FOXN2: variants seen among roughly 807,000 people sequenced by gnomAD.
FOXN2 encodes the protein forkhead box N2.
FOXN2 carries 19 observed loss-of-function variants against 41.2 expected under a neutral mutation model. The ratio of observed to expected loss-of-function variants is 0.46; its 90% CI spans 0.32 to 0.68. FOXN2 has a LOEUF of 0.68. Among genes scored for constraint, FOXN2 ranks in the 30% least tolerant of loss-of-function variants. The pLI is 0.03. For missense variants in FOXN2, 587 were observed against 509.4 expected (o/e 1.15, Z -1.47); for synonymous variants, 195 against 176.8 (o/e 1.10, Z -0.82).
intron 2 of FOXN2, among the ~76,000 whole-genome samples, chr2:48,341,921 G>C (rs998214812): frequency 2.6e-5 from 4 of 152,152 alleles, no homozygotes; most frequent in Admixed American, 6.5e-5. Flanking sequence ...AACAGAACAA[G>C]CTGTACTAAG....
At chr2:48,370,777 T>C (rs887521658) in intron 5 of FOXN2, among the ~76,000 whole-genome samples, 2 of 152,172 alleles carry the variant, frequency 1.3e-5, no homozygotes, top group South Asian at 4.1e-4. Flanking sequence ...GTTGTTTCTT[T>C]CCTGTGCAGA....
intron 3 of FOXN2, among the ~76,000 whole-genome samples, chr2:48,352,235 C>T (rs1196458213): frequency 6.6e-6 from 1 of 152,180 alleles, no homozygotes; most frequent in Admixed American, 6.5e-5. Context: ...ACCATGCAAA[C>T]AGAGATAGTT....
intron 5 of FOXN2, among the ~76,000 whole-genome samples, chr2:48,371,924 T>G (rs1216481030): frequency 6.6e-6 from 1 of 152,164 alleles, no homozygotes; most frequent in African/African-American, 2.4e-5. Context: ...TTCTAAGAGT[T>G]TTTTGGTAGA....
intron 4 of FOXN2, among the ~76,000 whole-genome samples, chr2:48,361,934 A>G (rs929695551): frequency 6.6e-6 from 1 of 152,206 alleles, no homozygotes; most frequent in African/African-American, 2.4e-5. Flanking sequence ...TAATACCTAT[A>G]TTAGTATTAT....
chr2:48,346,176 T>C (rs543048070), intron 2 of FOXN2, 25 bp from the exon 3 acceptor site: 4 of 1,531,418 alleles, frequency 2.6e-6, no homozygotes, highest in African/African-American at 1.4e-5. Flanking sequence ...AAGTATTACA[T>C]TGATAATTGT....
At chr2:48,333,321 C>T (rs1670132078) in intron 2 of FOXN2, among the ~76,000 whole-genome samples, 1 of 151,988 alleles carries the variant, frequency 6.6e-6, no homozygotes, top group Admixed American at 6.6e-5. Context: ...TAATCATAGT[C>T]CAATATAGCT....
chr2:48,365,397 G>C (rs557881363), intron 5 of FOXN2, among the ~76,000 whole-genome samples: 1 of 152,082 alleles, frequency 6.6e-6, no homozygotes, highest in Non-Finnish European at 1.5e-5. Context: ...CTTTATCTTT[G>C]TATTGCCTCA....
At position 48,346,287 on chromosome 2, in the gene FOXN2, A is replaced by G; in HGVS notation, c.73A>G (p.Ser25Gly). ...AGGAGCTGAAAAGATTGCAGGATTA[A>G]GCCAGATTTACAAAATGGGAAGCTT... The part of the protein sequence containing the change: ...TPGAEKIAGL[S>G]QIYKMGSLPE... The change falls in exon 3 of 7, where the codon AGC becomes GGC. Residue 25 changes from serine (S) to glycine (G), a missense_variant. By Grantham distance (56) the Ser-to-Gly change is moderately conservative. Transcript: ENST00000340553. 1 of 1,614,230 alleles carries G rather than the reference A, an allele frequency of 6.2e-7. No homozygotes were observed. The highest frequency in any genetic ancestry group is 1.1e-5 in the South Asian group (1 of 91,086).
At position 48,376,900 on chromosome 2, in the gene FOXN2, A is replaced by T. The variant is rs1673289944; in HGVS notation, c.*1457A>T. Reference sequence around the variant, plus strand: ...TACATATGTACACATACATATACACATATGCACAGTCAAGGTCATGATGTT... The same window carrying T: ...TACATATGTACACATACATATACACTTATGCACAGTCAAGGTCATGATGTT... On this transcript the variant is annotated 3_prime_UTR_variant, in exon 7 of 7. Transcript: ENST00000340553. 1 of 152,518 alleles carries T rather than the reference A, an allele frequency of 6.6e-6. No individual in the cohort carries two copies. The highest frequency in any genetic ancestry group is 1.5e-5 in the Non-Finnish European group (1 of 67,936). 9.4% of individuals were successfully genotyped at this position (152,518 alleles called of 1,614,324 possible).
intron 2 of FOXN2, among the ~76,000 whole-genome samples, chr2:48,338,865 A>G (rs1021456714): frequency 4.6e-5 from 7 of 152,296 alleles, no homozygotes; most frequent in African/African-American, 7.2e-5. Flanking sequence ...AATAAATTCT[A>G]CCATATGAAA....
chr2:48,361,920 G>A (rs1433391360), intron 4 of FOXN2, among the ~76,000 whole-genome samples: 1 of 152,028 alleles, frequency 6.6e-6, no homozygotes. Context: ...TTTTATTTTT[G>A]TGGTAATACC....
intron 3 of FOXN2, among the ~76,000 whole-genome samples, chr2:48,350,627 T>C (rs1429885373): frequency 2.0e-5 from 3 of 151,832 alleles, no homozygotes; most frequent in Non-Finnish European, 4.4e-5. Context: ...GTCTAGAACA[T>C]GGATGATCTT....
intron 3 of FOXN2, among the ~76,000 whole-genome samples, chr2:48,358,783 T>C (rs550136285): frequency 6.6e-6 from 1 of 152,184 alleles, no homozygotes; most frequent in Non-Finnish European, 1.5e-5. Flanking sequence ...AGAAAGAGTT[T>C]TTGAAGTAGA....
chr2:48,371,123 C>T (rs750211576), intron 5 of FOXN2, among the ~76,000 whole-genome samples: 27 of 152,108 alleles, frequency 1.8e-4, no homozygotes, highest in African/African-American at 3.6e-4. Flanking sequence ...GGGGGTGGGG[C>T]GCGGTGGCTC....
upstream of FOXN2, among the ~76,000 whole-genome samples, chr2:48,313,719 T>A (rs1478105077): frequency 6.6e-6 from 1 of 152,234 alleles, no homozygotes; most frequent in Non-Finnish European, 1.5e-5. Context: ...TAAGTCTCAG[T>A]TTCCATATCT....
At chr2:48,318,971 A>G (rs535541916) in intron 1 of FOXN2, among the ~76,000 whole-genome samples, 1 of 152,218 alleles carries the variant, frequency 6.6e-6, no homozygotes, top group African/African-American at 2.4e-5. Context: ...TTTGCTCCCA[A>G]CACAGATAAT....
chr2:48,343,085 G>A (rs1341089984), intron 2 of FOXN2, among the ~76,000 whole-genome samples: 2 of 152,172 alleles, frequency 1.3e-5, no homozygotes, highest in Non-Finnish European at 2.9e-5. Context: ...GTTTTAAGTA[G>A]TATTGATAAA....
intron 2 of FOXN2, among the ~76,000 whole-genome samples, chr2:48,336,331 C>A (rs1395096100): frequency 6.6e-6 from 1 of 150,760 alleles, no homozygotes; most frequent in Non-Finnish European, 1.5e-5. Context: ...TCGCTTGAAC[C>A]TGGGAGGGGG....
intron 5 of FOXN2, among the ~76,000 whole-genome samples, chr2:48,367,400 T>C (rs1022515526): frequency 2.0e-5 from 3 of 152,126 alleles, no homozygotes; most frequent in Non-Finnish European, 4.4e-5. Flanking sequence ...AGATATAAAA[T>C]TAAGGTAGTT....
Sources: gnomAD v4.1 joint callset for allele counts (sites outside exome capture counted in the v4.1 genomes callset) on GRCh38, gnomAD v4.1.1 for gene constraint, MANE v1.5 for transcripts, NCBI Gene and HGNC (gene_info 2026-07-23, HGNC 2026-07-21) for gene names.